FSTL5: variants seen among roughly 807,000 people sequenced by gnomAD.
FSTL5 encodes the protein follistatin like 5, also known as follistatin-related protein 5.
In FSTL5, 62 loss-of-function variants were observed where a neutral mutation model predicts 89.1. The ratio of observed to expected loss-of-function variants is 0.70; its 90% CI spans 0.57 to 0.86. FSTL5 has a LOEUF of 0.86. Ranked by LOEUF, FSTL5 falls within the 40% of genes least tolerant of loss-of-function variation. The pLI is 0.00. For missense variants in FSTL5, 1,057 were observed against 1,001.6 expected (o/e 1.06, Z -0.75); for synonymous variants, 383 against 346.2 (o/e 1.11, Z -1.18).
intron 4 of FSTL5, among the ~76,000 whole-genome samples, chr4:161,841,206 C>T (rs949340342): frequency 6.6e-6 from 1 of 152,084 alleles, no homozygotes; most frequent in African/African-American, 2.4e-5. Context: ...GTGCATACAC[C>T]ATTTATTTTT....
intron 4 of FSTL5, among the ~76,000 whole-genome samples, chr4:161,904,938 A>T (rs1733478475): frequency 6.6e-6 from 1 of 151,930 alleles, no homozygotes; most frequent in African/African-American, 2.4e-5. Context: ...GTATATTTTT[A>T]AATGTATATT....
chr4:161,879,342 TCA>T (rs1195628966), intron 4 of FSTL5, among the ~76,000 whole-genome samples: 2 of 152,198 alleles, frequency 1.3e-5, no homozygotes, highest in Non-Finnish European at 2.9e-5. Flanking sequence ...GCCATTTCAC[TCA>T]TTTTCCTCAA....
intron 15 of FSTL5, among the ~76,000 whole-genome samples, chr4:161,426,188 C>G (rs1459312522): frequency 6.6e-6 from 1 of 152,056 alleles, no homozygotes; most frequent in Admixed American, 6.6e-5. Flanking sequence ...TATGTAGCAA[C>G]TCTATTCAAA....
intron 6 of FSTL5, among the ~76,000 whole-genome samples, chr4:161,681,223 G>GACAT: frequency 6.6e-6 from 1 of 152,136 alleles, no homozygotes; most frequent in Admixed American, 6.6e-5. Flanking sequence ...ACTGAAAACA[G>GACAT]ACATCTTAGA....
At chr4:161,644,566 T>A (rs1736080972) in intron 7 of FSTL5, among the ~76,000 whole-genome samples, 1 of 151,088 alleles carries the variant, frequency 6.6e-6, no homozygotes, top group East Asian at 1.9e-4. Flanking sequence ...AACAATGGAA[T>A]CAGAGAACAG....
chr4:161,761,136 C>T (rs924599542), intron 5 of FSTL5, among the ~76,000 whole-genome samples: 1 of 152,214 alleles, frequency 6.6e-6, no homozygotes, highest in African/African-American at 2.4e-5. Context: ...AAAATCTTAT[C>T]TGGTTTAACT....
At chr4:161,428,979 G>A (rs1560890570) in intron 15 of FSTL5, among the ~76,000 whole-genome samples, 1 of 152,090 alleles carries the variant, frequency 6.6e-6, no homozygotes, top group Non-Finnish European at 1.5e-5. Context: ...CCTACCCTGG[G>A]CCAGGGAGGA....
At chr4:161,958,042 G>A (rs1415438570) in intron 3 of FSTL5, among the ~76,000 whole-genome samples, 1 of 151,600 alleles carries the variant, frequency 6.6e-6, no homozygotes, top group African/African-American at 2.4e-5. Context: ...CTTTATCCTT[G>A]CTTTATTTTA....
At chr4:161,753,778 C>G (rs1740477952) in intron 6 of FSTL5, among the ~76,000 whole-genome samples, 1 of 152,048 alleles carries the variant, frequency 6.6e-6, no homozygotes, top group Admixed American at 6.5e-5. Context: ...CGCGGTGGCT[C>G]ACGCCTGCAA....
intron 3 of FSTL5, among the ~76,000 whole-genome samples, chr4:162,020,012 A>G (rs1046339467): frequency 6.6e-6 from 1 of 151,260 alleles, no homozygotes; most frequent in African/African-American, 2.4e-5. Flanking sequence ...TTGAGCATCT[A>G]TTGAGTACCT....
intron 3 of FSTL5, among the ~76,000 whole-genome samples, chr4:162,024,887 C>T (rs1737222472): frequency 6.6e-6 from 1 of 151,848 alleles, no homozygotes; most frequent in South Asian, 2.1e-4. Context: ...GAACTCCTGA[C>T]CTGAAGCAAT....
intron 15 of FSTL5, among the ~76,000 whole-genome samples, chr4:161,395,586 G>A (rs1730969330): frequency 6.6e-6 from 1 of 151,950 alleles, no homozygotes; most frequent in Non-Finnish European, 1.5e-5. Context: ...AAATACTAAT[G>A]CTGTTTAACT....
intron 7 of FSTL5, among the ~76,000 whole-genome samples, chr4:161,632,144 G>T (rs569772620): frequency 6.6e-6 from 1 of 152,146 alleles, no homozygotes; most frequent in Non-Finnish European, 1.5e-5. Flanking sequence ...ACTTTGGGAG[G>T]CTGAGGCAGG....
chr4:161,716,395 G>A (rs570165677), intron 6 of FSTL5, among the ~76,000 whole-genome samples: 2 of 151,988 alleles, frequency 1.3e-5, no homozygotes, highest in African/African-American at 2.4e-5. Flanking sequence ...TCAGGAGTTC[G>A]AGAACAGCCT....
Position 161,920,633 on chromosome 4 carries a change from G to A in FSTL5, c.180C>T (p.Gly60=), listed in dbSNP as rs758676638. The A allele has an allele frequency of 1.2e-6, 2 of 1,609,336 alleles. No individual in the cohort carries two copies. Among genetic ancestry groups the A allele is most frequent in the South Asian group, 1.1e-5 (1 of 90,528 alleles). The change falls in exon 4 of 16, where the codon GGC becomes GGT. Residue 60 remains glycine (G), a synonymous_variant. Transcript: ENST00000306100. The part of the protein sequence containing the change: ...SRVKGFMIQD[G]PFGSCENKYC... ...ACTTATTTTCACAAGATCCAAAAGG[G>A]CCATCCTGAATCATAAATCCTGAAG...
intron 3 of FSTL5, among the ~76,000 whole-genome samples, chr4:161,950,363 T>A (rs1734858442): frequency 6.6e-6 from 1 of 152,192 alleles, no homozygotes; most frequent in Non-Finnish European, 1.5e-5. Flanking sequence ...TGCTTTCTTT[T>A]TCTGTTCTGC....
intron 6 of FSTL5, among the ~76,000 whole-genome samples, chr4:161,668,478 A>G (rs948008124): frequency 3.9e-5 from 6 of 152,224 alleles, no homozygotes; most frequent in African/African-American, 1.4e-4. Flanking sequence ...AATCTCTTTC[A>G]CAAGATAGCA....
intron 2 of FSTL5, among the ~76,000 whole-genome samples, chr4:162,073,343 A>T (rs1729705108): frequency 6.6e-6 from 1 of 151,762 alleles, no homozygotes; most frequent in Admixed American, 6.6e-5. Context: ...AGTTTAGGAA[A>T]CATCTGTTTC....
intron 4 of FSTL5, among the ~76,000 whole-genome samples, chr4:161,835,839 C>A (rs1731020956): frequency 6.6e-6 from 1 of 150,884 alleles, no homozygotes; most frequent in Non-Finnish European, 1.5e-5. Context: ...AATAGGAACA[C>A]TTTTACACTG....
Sources: gnomAD v4.1 joint callset for allele counts (sites outside exome capture counted in the v4.1 genomes callset) on GRCh38, gnomAD v4.1.1 for gene constraint, MANE v1.5 for transcripts, NCBI Gene and HGNC (gene_info 2026-07-23, HGNC 2026-07-21) for gene names.